The following SFI1 variants were observed in gnomAD, a reference collection of about 807,000 sequenced individuals.
SFI1 encodes SFI1 centrin binding protein, also known as protein SFI1 homolog.
SFI1 carries 195 observed loss-of-function variants against 207.5 expected under a neutral mutation model. The observed-to-expected ratio is 0.94, with a 90% CI of 0.84 to 1.06. The LOEUF (loss-of-function observed/expected upper bound fraction) is 1.06. Ranked by LOEUF, SFI1 falls within the 50% of genes least tolerant of loss-of-function variation. The probability of loss-of-function intolerance (pLI) is 0.00; values close to 1 mark genes in which losing one functional copy is unlikely to be tolerated. For missense variants in SFI1, 1,634 were observed against 1,588.0 expected, an observed-to-expected ratio of 1.03 and a Z score of -0.49; for synonymous variants, 630 against 598.9, an observed-to-expected ratio of 1.05 and a Z score of -0.76.
At chr22:31,558,998 G>T (rs1216055546) in intron 7 of SFI1, among the ~76,000 whole-genome samples, 1 of 151,700 alleles carries the variant, frequency 6.6e-6, no homozygotes, top group Non-Finnish European at 1.5e-5. Context: ...GTAGAGATGG[G>T]GTTTCACCAC....
intron 21 of SFI1, 54 bp downstream of exon 21, chr22:31,606,484 G>GT: frequency 1.4e-6 from 2 of 1,464,080 alleles, no homozygotes; most frequent in South Asian, 2.3e-5. Flanking sequence ...CTGTGTTCTG[G>GT]TGAGGGCGTG....
chr22:31,604,861 C>G lies in SFI1; in HGVS notation c.1978-8C>G. The G allele has an allele frequency of 1.2e-6, 2 of 1,610,700 alleles. No individual in the cohort carries two copies. Among genetic ancestry groups the G allele is most frequent in the Non-Finnish European group, 1.7e-6 (2 of 1,178,340 alleles). The stretch of plus-strand genomic sequence containing the variant: ...AAGAGCAGCCTCAGTCTTCCTTGTC[C>G]CCTACAGACTTACCAGGGCAGGGTG... On this transcript the variant is annotated splice_polypyrimidine_tract_variant and splice_region_variant and intron_variant, in intron 19 of 32. Coordinates refer to ENST00000400288, the MANE Select transcript of SFI1 (RefSeq NM_001007467.3).
intron 7 of SFI1, among the ~76,000 whole-genome samples, chr22:31,560,734 C>G (rs1220190062): frequency 6.7e-6 from 1 of 149,226 alleles, no homozygotes; most frequent in East Asian, 2.0e-4. Flanking sequence ...TGGAGTCTCA[C>G]TCTGTCACCC....
chr22:31,601,992 T>C (rs989248637), intron 15 of SFI1, among the ~76,000 whole-genome samples: 3 of 147,626 alleles, frequency 2.0e-5, no homozygotes, highest in Admixed American at 6.7e-5. Flanking sequence ...GGAGTTTTGC[T>C]ATGTTGCCCA....
chr22:31,546,272 G>A (rs1037139356), intron 4 of SFI1, among the ~76,000 whole-genome samples: 34 of 151,824 alleles, frequency 2.2e-4, no homozygotes, highest in African/African-American at 8.2e-4. Flanking sequence ...TGAAAGTGTT[G>A]GTATTACAGG....
At chr22:31,612,419 A>ATATG (rs2070478477) in intron 24 of SFI1, 1 of 135,438 alleles carries the variant, frequency 7.4e-6, no homozygotes, top group Non-Finnish European at 1.6e-5. Flanking sequence ...ATATATATAT[A>ATATG]TATATATAAT....
At chr22:31,552,609 TG>T in intron 6 of SFI1, among the ~76,000 whole-genome samples, 1 of 152,324 alleles carries the variant, frequency 6.6e-6, no homozygotes, top group East Asian at 1.9e-4. Flanking sequence ...ATGACTTTGC[TG>T]TTGAGAATAG....
intron 22 of SFI1, among the ~76,000 whole-genome samples, chr22:31,608,883 A>G (rs912650526): frequency 1.3e-5 from 2 of 152,062 alleles, no homozygotes; most frequent in Admixed American, 6.5e-5. Flanking sequence ...GTACACACCT[A>G]TAGTCCCAGC....
At chr22:31,500,350 A>C (rs1288479076) in intron 1 of SFI1, among the ~76,000 whole-genome samples, 1 of 152,056 alleles carries the variant, frequency 6.6e-6, no homozygotes, top group East Asian at 1.9e-4. Context: ...TACCCTGATC[A>C]GTCAGCAGCT....
At position 31,515,935 on chromosome 22, in the gene SFI1, A is replaced by G. The variant is rs2056432267; in HGVS notation, c.92+7559A>G. ...GTATTATTAGTAGAGACGGAGTTTCACCATGTTGGCCAGGCTGGTCTTGAA... is the reference window on the plus strand; with the variant it reads ...GTATTATTAGTAGAGACGGAGTTTCGCCATGTTGGCCAGGCTGGTCTTGAA... On this transcript the variant is annotated intron_variant, in intron 2 of 32. Transcript: ENST00000400288. 1.3e-5 allele frequency among the ~76,000 whole-genome samples: 2 copies of G among 151,220 alleles called. 1 individual carries two copies. Among genetic ancestry groups the G allele is most frequent in the South Asian group, 4.2e-4 (2 of 4,770 alleles).
intron 4 of SFI1, among the ~76,000 whole-genome samples, chr22:31,536,474 C>T (rs1398721952): frequency 1.3e-5 from 2 of 152,162 alleles, no homozygotes; most frequent in Non-Finnish European, 2.9e-5. Context: ...TGCGGTGGCA[C>T]GATCTTGGCT....
intron 12 of SFI1, among the ~76,000 whole-genome samples, chr22:31,581,947 G>A (rs559143312): frequency 6.6e-6 from 1 of 151,480 alleles, no homozygotes; most frequent in African/African-American, 2.4e-5. Context: ...CTTATGTAAC[G>A]ACAATGTCAT....
At chr22:31,512,983 G>C (rs1170188789) in intron 2 of SFI1, among the ~76,000 whole-genome samples, 1 of 152,098 alleles carries the variant, frequency 6.6e-6, no homozygotes, top group Non-Finnish European at 1.5e-5. Flanking sequence ...ACAGCGCCCA[G>C]CCAGTTTTTG....
chr22:31,511,221 C>T (rs1230815368), intron 2 of SFI1, among the ~76,000 whole-genome samples: 1 of 151,920 alleles, frequency 6.6e-6, no homozygotes, highest in African/African-American at 2.4e-5. Flanking sequence ...CAGTTTTTTC[C>T]CCCAGTGTAA....
chr22:31,607,880 T>C, intron 21 of SFI1, 57 bp from the exon 22 acceptor site: 1 of 1,520,462 alleles, frequency 6.6e-7, no homozygotes, highest in Non-Finnish European at 9.1e-7. Context: ...AGACCTGGGG[T>C]GGACCCGGAA....
chr22:31,535,982 G>C (rs1398117416), intron 4 of SFI1, among the ~76,000 whole-genome samples: 1 of 152,120 alleles, frequency 6.6e-6, no homozygotes, highest in Non-Finnish European at 1.5e-5. Flanking sequence ...TGTTGTTTTT[G>C]TTTAGGGTTC....
At chr22:31,499,286 C>T (rs1385192272) in intron 1 of SFI1, among the ~76,000 whole-genome samples, 1 of 152,150 alleles carries the variant, frequency 6.6e-6, no homozygotes, top group Non-Finnish European at 1.5e-5. Flanking sequence ...CCTCCGCCTC[C>T]CGGGTTCAAG....
rs372682033 is a variant in SFI1 at position 31,557,016 on chromosome 22, A to T, written c.619A>T (p.Met207Leu). The T allele has an allele frequency of 6.2e-7, 1 of 1,612,508 alleles. No individual in the cohort carries two copies. The highest frequency in any genetic ancestry group is 8.5e-7 in the Non-Finnish European group (1 of 1,178,968). Residue 207 changes from methionine to leucine, a missense_variant, in exon 7 of 33, where the codon ATG becomes TTG. Met to Leu is a conservative substitution (Grantham distance 15, BLOSUM62 2). Transcript: ENST00000400288. ...YVVVRRTKLQ[M>L]QTTALEFRQR... ...GGTTGTTCGTAGGACCAAACTTCAG[A>T]TGCAGACTACAGCTCTGGAGTTTAG...
At chr22:31,522,707 G>A (rs1010773280) in intron 2 of SFI1, among the ~76,000 whole-genome samples, 25 of 152,158 alleles carry the variant, frequency 1.6e-4, no homozygotes, top group African/African-American at 5.8e-4. Flanking sequence ...CCAGGCTGGA[G>A]TGCAGTGGTG....
Sources: allele counts gnomAD v4.1 joint callset (sites outside exome capture counted in the v4.1 genomes callset), GRCh38; gene constraint gnomAD v4.1.1; transcripts MANE v1.5; gene names NCBI Gene and HGNC (gene_info 2026-07-23, HGNC 2026-07-21).